Variants in MERTK observed in about 807,000 individuals in gnomAD.
MERTK encodes tyrosine-protein kinase Mer.
Under a neutral mutation model 99.3 loss-of-function variants are expected in MERTK, and 69 were observed. The ratio of observed to expected loss-of-function variants is 0.70; its 90% CI spans 0.57 to 0.85. The LOEUF (loss-of-function observed/expected upper bound fraction) is 0.85, where lower values mean the gene tolerates loss of function less well. Ranked by LOEUF, MERTK falls within the 40% of genes least tolerant of loss-of-function variation. MERTK has a pLI of 0.00. For synonymous variants in MERTK, 426 were observed against 467.6 expected, an observed-to-expected ratio of 0.91 and a Z score of 1.15; for missense variants, 1,125 against 1,249.4, an observed-to-expected ratio of 0.90 and a Z score of 1.50.
chr2:111,933,715 G>A (rs1046419778), intron 2 of MERTK, among the ~76,000 whole-genome samples: 14 of 152,210 alleles, frequency 9.2e-5, no homozygotes, highest in Middle Eastern at 3.4e-3. Flanking sequence ...GACTGACCCT[G>A]TGTTTTATCT....
At chr2:111,976,650 C>T (rs1316462199) in intron 7 of MERTK, among the ~76,000 whole-genome samples, 5 of 151,558 alleles carry the variant, frequency 3.3e-5, no homozygotes, top group Admixed American at 2.6e-4. Flanking sequence ...GTAATCGAAT[C>T]ATTCAAATGG....
chr2:111,915,935 G>C (rs1232632631), intron 1 of MERTK, among the ~76,000 whole-genome samples: 4 of 152,088 alleles, frequency 2.6e-5, no homozygotes, highest in Admixed American at 6.6e-5. Flanking sequence ...TGCAAGTGTT[G>C]AGAATTTCTA....
At chr2:111,951,542 T>TATATATATATATATATATAC (rs1685056541) in intron 4 of MERTK, among the ~76,000 whole-genome samples, 1 of 126,456 alleles carries the variant, frequency 7.9e-6, no homozygotes, top group Non-Finnish European at 1.7e-5. Context: ...TATATATATA[T>TATATATATATATATATATAC]ATATATACCA....
At chr2:111,899,988 G>A (rs1399155602) in intron 1 of MERTK, among the ~76,000 whole-genome samples, 2 of 151,946 alleles carry the variant, frequency 1.3e-5, no homozygotes, top group Non-Finnish European at 2.9e-5. Flanking sequence ...TTACCCAAAA[G>A]AAAAAGAAAG....
At chr2:111,907,355 A>T (rs564427592) in intron 1 of MERTK, among the ~76,000 whole-genome samples, 1 of 152,316 alleles carries the variant, frequency 6.6e-6, no homozygotes, top group African/African-American at 2.4e-5. Context: ...CGGAGGTTGC[A>T]GTGAGCCGAG....
intron 4 of MERTK, among the ~76,000 whole-genome samples, chr2:111,956,241 A>G (rs78898773): frequency 0.031 from 4,779 of 152,280 alleles, 266 homozygotes; most frequent in African/African-American, 0.11. Context: ...AGCAGTGTCT[A>G]CTACATAAAA....
chr2:111,971,767 A>G (rs1045774236), intron 6 of MERTK, among the ~76,000 whole-genome samples: 1 of 152,222 alleles, frequency 6.6e-6, no homozygotes, highest in African/African-American at 2.4e-5. Context: ...AGAAGAATGT[A>G]CATTCAGCTG....
intron 8 of MERTK, among the ~76,000 whole-genome samples, chr2:111,989,012 G>A (rs1244905018): frequency 6.6e-6 from 1 of 152,202 alleles, no homozygotes; most frequent in Non-Finnish European, 1.5e-5. Context: ...GCTCAGAGAT[G>A]CTGGGTAACT....
intron 8 of MERTK, 36 bp from the exon 9 acceptor site, chr2:111,994,215 A>G (rs1415249735): frequency 6.2e-7 from 1 of 1,612,238 alleles, no homozygotes. Flanking sequence ...CCCAGACCTC[A>G]GTGTTTTCAT....
chr2:111,939,436 T>C (rs1371111421), intron 2 of MERTK, among the ~76,000 whole-genome samples: 1 of 151,994 alleles, frequency 6.6e-6, no homozygotes. Flanking sequence ...ATACAAGTTT[T>C]GAAGGGAATA....
At chr2:111,944,021 G>A (rs554666505) in intron 2 of MERTK, among the ~76,000 whole-genome samples, 84 of 152,232 alleles carry the variant, frequency 5.5e-4, no homozygotes, top group African/African-American at 1.7e-3. Context: ...ACAGGTGGCC[G>A]GGCATGGTGG....
chr2:111,994,462 T>G, intron 9 of MERTK, 58 bp downstream of exon 9: 1 of 1,607,962 alleles, frequency 6.2e-7, no homozygotes. Flanking sequence ...AGTGCACAGA[T>G]TGCCAGAAAG....
chr2:111,983,558 G>A (rs985257239), intron 8 of MERTK, among the ~76,000 whole-genome samples: 2 of 152,208 alleles, frequency 1.3e-5, no homozygotes, highest in Non-Finnish European at 2.9e-5. Context: ...ACTGGATCAG[G>A]ACATGCAGTC....
At chr2:111,904,619 C>T (rs1684104667) in intron 1 of MERTK, among the ~76,000 whole-genome samples, 1 of 152,144 alleles carries the variant, frequency 6.6e-6, no homozygotes, top group Admixed American at 6.6e-5. Flanking sequence ...CGCGATCCAC[C>T]CACCTCGGCC....
intron 10 of MERTK, among the ~76,000 whole-genome samples, chr2:111,999,034 T>G (rs1048298108): frequency 1.1e-4 from 17 of 152,162 alleles, no homozygotes; most frequent in African/African-American, 3.9e-4. Flanking sequence ...TTATATCGAA[T>G]AGTCAAAAGG....
Position 111,963,057 on chromosome 2 carries a change from A to T in MERTK, c.758-2134A>T, listed in dbSNP as rs140339224. On this transcript the variant is annotated intron_variant, in intron 4 of 18. Transcript: ENST00000295408. ...TGTTTCTCGGAGAGGGGGATGTGGC[A>T]GGGTCATAGGATAATAGTGGAGAGA... Among the ~76,000 whole-genome samples, 980 of 152,272 alleles carry T rather than the reference A, an allele frequency of 6.4e-3. 12 individuals are homozygous for T. Among genetic ancestry groups the T allele is most frequent in the African/African-American group, 0.023 (944 of 41,528 alleles).
chr2:111,987,286 A>G (rs1001355616), intron 8 of MERTK, among the ~76,000 whole-genome samples: 3 of 152,222 alleles, frequency 2.0e-5, no homozygotes, highest in African/African-American at 7.2e-5. Context: ...TTCCCGCAAC[A>G]GTCATGTCAC....
chr2:111,937,827 C>T (rs1684790630), intron 2 of MERTK, among the ~76,000 whole-genome samples: 1 of 152,168 alleles, frequency 6.6e-6, no homozygotes, highest in African/African-American at 2.4e-5. Flanking sequence ...CCTGTCGGCA[C>T]CATGTGAACG....
At position 112,021,449 on chromosome 2, in the gene MERTK, T is replaced by A; in HGVS notation, c.2217T>A (p.Val739=). 6.2e-7 allele frequency: 1 copy of A among 1,613,676 alleles called. No homozygotes were observed. The highest frequency in any genetic ancestry group is 8.5e-7 in the Non-Finnish European group (1 of 1,179,870). ...CMLRDDMTVC[V]ADFGLSKKIY... The stretch of plus-strand genomic sequence containing the variant: ...TGCGAGATGACATGACTGTCTGTGT[T>A]GCGGACTTCGGCCTCTCTAAGAAGA... Residue 739 remains valine, a synonymous_variant, in exon 17 of 19, where the codon GTT becomes GTA. Transcript: ENST00000295408.
Sources: allele counts gnomAD v4.1 joint callset (sites outside exome capture counted in the v4.1 genomes callset), GRCh38; gene constraint gnomAD v4.1.1; transcripts MANE v1.5; gene names NCBI Gene and HGNC (gene_info 2026-07-23, HGNC 2026-07-21).